CTNNA2: variants seen among roughly 807,000 people sequenced by gnomAD.
CTNNA2 encodes catenin alpha-2.
In CTNNA2, 42 loss-of-function variants were observed where a neutral mutation model predicts 101.0. That is an observed-to-expected ratio of 0.42 (90% CI 0.32 to 0.54). The LOEUF is 0.54. Ranked by LOEUF, CTNNA2 falls within the 20% of genes least tolerant of loss-of-function variation. CTNNA2 has a pLI of 0.14. For synonymous variants in CTNNA2, 450 were observed against 456.4 expected, an observed-to-expected ratio of 0.99 and a Z score of 0.18; for missense variants, 871 against 1,223.1, an observed-to-expected ratio of 0.71 and a Z score of 4.29.
At chr2:79,210,005 A>G (rs1248858893) in intron 2 of CTNNA2, among the ~76,000 whole-genome samples, 2 of 151,626 alleles carry the variant, frequency 1.3e-5, no homozygotes, top group Admixed American at 6.6e-5. Flanking sequence ...TTGGAAATTA[A>G]TGACAGGAAT....
intron 1 of CTNNA2, among the ~76,000 whole-genome samples, chr2:79,560,328 T>G (rs1257730036): frequency 6.6e-6 from 1 of 151,854 alleles, no homozygotes; most frequent in Non-Finnish European, 1.5e-5. Context: ...CAGGAGAGAT[T>G]GGGTGTAGCA....
At chr2:80,238,759 G>A (rs6547300) in intron 7 of CTNNA2, among the ~76,000 whole-genome samples, 18,383 of 152,104 alleles carry the variant, frequency 0.12, 2,621 homozygotes, top group African/African-American at 0.34. Flanking sequence ...ATTAGGGTAA[G>A]TAAAGTAAAA....
At chr2:79,464,701 T>A (rs1010862204) in intron 4 of CTNNA2, among the ~76,000 whole-genome samples, 6 of 152,332 alleles carry the variant, frequency 3.9e-5, no homozygotes, top group Middle Eastern at 6.8e-3. Flanking sequence ...TGGTATCTCA[T>A]TGTGGTTTTG....
intron 2 of CTNNA2, among the ~76,000 whole-genome samples, chr2:79,214,702 G>GAACT (rs1249984000): frequency 6.6e-5 from 10 of 152,036 alleles, no homozygotes; most frequent in African/African-American, 2.4e-4. Flanking sequence ...AGGAGGCTTT[G>GAACT]GGTTGGGGAA....
In CTNNA2 at chr2:80,318,568, C is replaced by G. The variant is rs965991127; in HGVS notation, c.1057-74643C>G. Among the ~76,000 whole-genome samples, 7 of 152,170 alleles carry G rather than the reference C, an allele frequency of 4.6e-5. No homozygotes were observed. The East Asian group carries it at 1.4e-3, about 29-fold the overall frequency. On this transcript the variant is annotated intron_variant, in intron 7 of 18. Transcript: ENST00000402739. ...TTGACATTCATGGGTTTCATGGATTCGTGAATTCTAAAATACCTAACAAGG... is the reference window on the plus strand; with the variant it reads ...TTGACATTCATGGGTTTCATGGATTGGTGAATTCTAAAATACCTAACAAGG...
intron 7 of CTNNA2, among the ~76,000 whole-genome samples, chr2:79,915,359 G>T (rs905507008): frequency 1.0e-5 from 1 of 96,934 alleles, no homozygotes; most frequent in African/African-American, 4.2e-5. Context: ...TTTATAAAAT[G>T]GACTCATATT....
intron 3 of CTNNA2, among the ~76,000 whole-genome samples, chr2:79,836,956 C>T (rs1446851141): frequency 6.6e-6 from 1 of 152,076 alleles, no homozygotes; most frequent in African/African-American, 2.4e-5. Flanking sequence ...TTCAACATGA[C>T]CTCATCATAA....
chr2:80,021,235 G>C (rs1020949721), intron 7 of CTNNA2, among the ~76,000 whole-genome samples: 1 of 151,890 alleles, frequency 6.6e-6, no homozygotes, highest in Non-Finnish European at 1.5e-5. Context: ...ACCCAGGATG[G>C]TCTTAAACTC....
chr2:80,308,351 C>A (rs992422898), intron 7 of CTNNA2, among the ~76,000 whole-genome samples: 4 of 152,154 alleles, frequency 2.6e-5, no homozygotes, highest in African/African-American at 9.7e-5. Flanking sequence ...TTTTAATGTT[C>A]TGTCATCGCT....
intron 3 of CTNNA2, among the ~76,000 whole-genome samples, chr2:79,757,848 C>A (rs1019903083): frequency 8.5e-5 from 13 of 152,154 alleles, no homozygotes; most frequent in Admixed American, 2.6e-4. Context: ...TACATTCATT[C>A]CAGCATTGCT....
At chr2:79,470,828 C>T (rs1281405272) in intron 4 of CTNNA2, among the ~76,000 whole-genome samples, 1 of 152,182 alleles carries the variant, frequency 6.6e-6, no homozygotes, top group African/African-American at 2.4e-5. Context: ...TACACGGAGT[C>T]ATTCAGACTT....
chr2:79,593,592 C>A (rs1370177435), intron 1 of CTNNA2, among the ~76,000 whole-genome samples: 4 of 152,092 alleles, frequency 2.6e-5, no homozygotes, highest in African/African-American at 9.7e-5. Flanking sequence ...CCCACCATGT[C>A]ATCCTGTCCT....
chr2:80,111,294 A>G (rs1449251934), intron 7 of CTNNA2, among the ~76,000 whole-genome samples: 3 of 152,332 alleles, frequency 2.0e-5, no homozygotes, highest in African/African-American at 4.8e-5. Flanking sequence ...CACATTTAAA[A>G]TGTTTAGGCA....
intron 7 of CTNNA2, among the ~76,000 whole-genome samples, chr2:80,003,517 C>T (rs913150958): frequency 3.9e-5 from 6 of 152,124 alleles, no homozygotes; most frequent in African/African-American, 1.2e-4. Flanking sequence ...AAATCCAGGA[C>T]CATATTCGGG....
intron 7 of CTNNA2, among the ~76,000 whole-genome samples, chr2:79,998,594 G>A (rs909791214): frequency 6.6e-6 from 1 of 152,042 alleles, no homozygotes; most frequent in African/African-American, 2.4e-5. Flanking sequence ...AAAGATTTGT[G>A]GCTATGAAAG....
chr2:79,890,373 A>C (rs903068577), intron 6 of CTNNA2, among the ~76,000 whole-genome samples: 3 of 152,194 alleles, frequency 2.0e-5, no homozygotes, highest in African/African-American at 7.2e-5. Flanking sequence ...TGCAGTTTGA[A>C]GACAGGTCCT....
intron 17 of CTNNA2, among the ~76,000 whole-genome samples, chr2:80,618,469 C>G (rs1699030557): frequency 6.6e-6 from 1 of 151,842 alleles, no homozygotes; most frequent in African/African-American, 2.4e-5. Flanking sequence ...TTGGCTTATC[C>G]TTTAAATTAT....
chr2:80,632,096 A>G (rs555303708), intron 18 of CTNNA2, among the ~76,000 whole-genome samples: 2 of 152,262 alleles, frequency 1.3e-5, no homozygotes, highest in South Asian at 4.1e-4. Context: ...AAGGAAACAT[A>G]AGAGAATCCT....
intron 1 of CTNNA2, among the ~76,000 whole-genome samples, chr2:79,638,719 T>G (rs553209580): frequency 1.9e-4 from 29 of 152,222 alleles, no homozygotes; most frequent in Non-Finnish European, 3.8e-4. Context: ...GCTACTTAAT[T>G]CCTTTTTAAC....
Sources: gnomAD v4.1 joint callset for allele counts (sites outside exome capture counted in the v4.1 genomes callset) on GRCh38, gnomAD v4.1.1 for gene constraint, MANE v1.5 for transcripts, NCBI Gene and HGNC (gene_info 2026-07-23, HGNC 2026-07-21) for gene names.